CEP112: variants seen among roughly 807,000 people sequenced by gnomAD.
CEP112 encodes the protein centrosomal protein 112.
A neutral mutation model predicts 153.0 loss-of-function variants in CEP112; 127 were observed. That is an observed-to-expected ratio of 0.83 (90% CI 0.72 to 0.96). CEP112 has a LOEUF of 0.96. Ranked by LOEUF, CEP112 falls within the 40% of genes least tolerant of loss-of-function variation. CEP112 has a pLI of 0.00. For synonymous variants in CEP112, 358 were observed against 374.4 expected (o/e 0.96, Z 0.51); for missense variants, 1,089 against 1,101.2 (o/e 0.99, Z 0.16).
At chr17:65,990,098 A>G (rs567471254) in intron 17 of CEP112, among the ~76,000 whole-genome samples, 1 of 152,218 alleles carries the variant, frequency 6.6e-6, no homozygotes, top group Non-Finnish European at 1.5e-5. Flanking sequence ...TAAAGGAAGA[A>G]AGGGAAAGAG....
At chr17:65,847,627 C>T (rs2057776258) in intron 21 of CEP112, among the ~76,000 whole-genome samples, 1 of 152,138 alleles carries the variant, frequency 6.6e-6, no homozygotes, top group Non-Finnish European at 1.5e-5. Context: ...GCTGGGTTTT[C>T]TAGGCACTGG....
chr17:66,148,434 A>G (rs2071017326), intron 4 of CEP112, among the ~76,000 whole-genome samples: 1 of 152,214 alleles, frequency 6.6e-6, no homozygotes, highest in African/African-American at 2.4e-5. Flanking sequence ...TGGCATCTGT[A>G]GATTATCTTG....
chr17:65,673,220 G>A (rs2047069361), intron 24 of CEP112, among the ~76,000 whole-genome samples: 1 of 152,174 alleles, frequency 6.6e-6, no homozygotes, highest in East Asian at 1.9e-4. Context: ...GCTGTGAGCT[G>A]CGCGTCCCTC....
chr17:66,130,830 A>C (rs1167138168), intron 5 of CEP112, among the ~76,000 whole-genome samples: 1 of 151,906 alleles, frequency 6.6e-6, no homozygotes, highest in Non-Finnish European at 1.5e-5. Flanking sequence ...TTTTTAAAAC[A>C]TAACAATTCC....
In CEP112 at chr17:65,987,152, C is replaced by T. The variant is rs575180964; in HGVS notation, c.1736+18538G>A. Among the ~76,000 whole-genome samples the T allele has an allele frequency of 1.6e-4, 24 of 151,934 alleles. 1 individual carries two copies. The South Asian group carries it at 4.2e-3, about 26-fold the overall frequency. Reference sequence around the variant, plus strand: ...AAAATATCAGAAAAGTATGAGGAATCGTAAAGAAGACCGTCTCTATGAAAT... The same window carrying T: ...AAAATATCAGAAAAGTATGAGGAATTGTAAAGAAGACCGTCTCTATGAAAT... On this transcript the variant is annotated intron_variant, in intron 17 of 26. Transcript: ENST00000535342.
At chr17:65,757,969 C>G (rs947985035) in intron 21 of CEP112, among the ~76,000 whole-genome samples, 4 of 152,014 alleles carry the variant, frequency 2.6e-5, no homozygotes, top group Admixed American at 1.3e-4. Flanking sequence ...ATAACTTGAA[C>G]AAATATATAA....
chr17:65,668,570 G>T (rs552795488), intron 24 of CEP112, among the ~76,000 whole-genome samples: 1 of 152,318 alleles, frequency 6.6e-6, no homozygotes, highest in African/African-American at 2.4e-5. Flanking sequence ...CCACCTGCCT[G>T]TATGTGGCTT....
intron 21 of CEP112, among the ~76,000 whole-genome samples, chr17:65,807,328 C>T (rs2055668088): frequency 6.6e-6 from 1 of 152,136 alleles, no homozygotes. Flanking sequence ...GAAATTGTAA[C>T]TTATATTTAA....
intron 21 of CEP112, among the ~76,000 whole-genome samples, chr17:65,850,696 T>G (rs1158135385): frequency 6.6e-6 from 1 of 152,018 alleles, no homozygotes; most frequent in Non-Finnish European, 1.5e-5. Context: ...TCATAGAGAG[T>G]CAAAGCAAAG....
At chr17:65,916,517 T>C (rs73346841) in intron 19 of CEP112, among the ~76,000 whole-genome samples, 1,727 of 152,108 alleles carry the variant, frequency 0.011, 41 homozygotes, top group African/African-American at 0.039. Flanking sequence ...TTAGTCCATA[T>C]CACTATCCAG....
intron 8 of CEP112, among the ~76,000 whole-genome samples, chr17:66,071,983 G>T (rs1261361607): frequency 6.6e-6 from 1 of 152,028 alleles, no homozygotes; most frequent in Non-Finnish European, 1.5e-5. Context: ...TATTCTTCTG[G>T]TTATAACTTT....
At chr17:65,981,731 T>C (rs1287373491) in intron 17 of CEP112, among the ~76,000 whole-genome samples, 1 of 152,104 alleles carries the variant, frequency 6.6e-6, no homozygotes, top group Non-Finnish European at 1.5e-5. Context: ...TGCGCCACCA[T>C]GCCCAGCTAA....
chr17:65,843,912 A>C, intron 21 of CEP112, among the ~76,000 whole-genome samples: 1 of 152,364 alleles, frequency 6.6e-6, no homozygotes, highest in Non-Finnish European at 1.5e-5. Flanking sequence ...TTTAAATAAA[A>C]TGTTTGTGTA....
rs191907191 is a variant in CEP112, at chr17:66,123,006, C to G, written c.642+6740G>C. 8.5e-4 allele frequency among the ~76,000 whole-genome samples: 129 copies of G among 152,312 alleles called. 1 individual carries two copies. The Middle Eastern group carries it at 0.017, about 20-fold the overall frequency. The stretch of plus-strand genomic sequence containing the variant: ...TTTCTTTGAGGAGAGCTTCTGATCT[C>G]ACTGGTCTTCAGACTGCCTCTCCCC... On this transcript the variant is annotated intron_variant, in intron 6 of 26. Transcript: ENST00000535342.
intron 23 of CEP112, among the ~76,000 whole-genome samples, chr17:65,699,761 G>A (rs929545263): frequency 5.9e-5 from 9 of 152,100 alleles, no homozygotes; most frequent in African/African-American, 2.2e-4. Context: ...CCAAGAAGCT[G>A]GAACTACAGA....
At chr17:65,782,193 C>A (rs1279979705) in intron 21 of CEP112, among the ~76,000 whole-genome samples, 1 of 151,804 alleles carries the variant, frequency 6.6e-6, no homozygotes, top group Non-Finnish European at 1.5e-5. Flanking sequence ...AAGACATGAC[C>A]AGACATTTCT....
chr17:66,142,686 T>C (rs1254473828), intron 4 of CEP112, among the ~76,000 whole-genome samples: 1 of 152,196 alleles, frequency 6.6e-6, no homozygotes, highest in Non-Finnish European at 1.5e-5. Context: ...TTCTGGGCTC[T>C]TTATTTTGTT....
intron 4 of CEP112, among the ~76,000 whole-genome samples, chr17:66,137,734 A>C (rs974113540): frequency 1.3e-5 from 2 of 152,198 alleles, no homozygotes; most frequent in Non-Finnish European, 2.9e-5. Flanking sequence ...TGTCCTTTAA[A>C]AATGAAAGAG....
intron 21 of CEP112, among the ~76,000 whole-genome samples, chr17:65,817,286 G>A (rs2056322188): frequency 6.6e-6 from 1 of 151,806 alleles, no homozygotes; most frequent in African/African-American, 2.4e-5. Context: ...TTAATTTGGT[G>A]GTTAATTAAA....
Sources: gnomAD v4.1 joint callset for allele counts (sites outside exome capture counted in the v4.1 genomes callset) on GRCh38, gnomAD v4.1.1 for gene constraint, MANE v1.5 for transcripts, NCBI Gene and HGNC (gene_info 2026-07-23, HGNC 2026-07-21) for gene names.